The following LAMA2 variants were observed in gnomAD, a reference collection of about 807,000 sequenced individuals.
LAMA2 encodes the protein laminin subunit alpha-2.
In LAMA2, 269 loss-of-function variants were observed where a neutral mutation model predicts 364.8. The observed-to-expected ratio is 0.74, with a 90% CI of 0.67 to 0.82. LAMA2 has a LOEUF of 0.82. LAMA2 is among the 40% of genes least tolerant of loss of function. The pLI, the probability that LAMA2 is intolerant of heterozygous loss-of-function variation, is 0.00. For synonymous variants in LAMA2, 1,379 were observed against 1,370.6 expected, an observed-to-expected ratio of 1.01 and a Z score of -0.14; for missense variants, 3,807 against 3,873.2, an observed-to-expected ratio of 0.98 and a Z score of 0.45.
At chr6:129,507,444 T>G (rs746376496) in intron 61 of LAMA2, 45 bp from the exon 62 acceptor site, 10 of 1,606,898 alleles carry the variant, frequency 6.2e-6, no homozygotes, top group Non-Finnish European at 7.7e-6. Flanking sequence ...AAAGGCAAAG[T>G]TCTGCTAAAA....
intron 3 of LAMA2, among the ~76,000 whole-genome samples, chr6:129,062,876 G>C (rs1016699619): frequency 7.0e-6 from 1 of 143,068 alleles, no homozygotes; most frequent in Non-Finnish European, 1.5e-5. Context: ...AGAAACGATT[G>C]CATTTATTTG....
At chr6:128,935,328 T>C (rs1779753313) in intron 1 of LAMA2, among the ~76,000 whole-genome samples, 1 of 151,852 alleles carries the variant, frequency 6.6e-6, no homozygotes, top group Non-Finnish European at 1.5e-5. Flanking sequence ...TGGTTTTCTG[T>C]CCTTGTGATA....
chr6:129,349,337 C>T lies in LAMA2; in HGVS notation c.4476C>T (p.Tyr1492=). The stretch of plus-strand genomic sequence containing the variant: ...GTGTCGCAGAAGGACTTGACGACTA[C>T]CGCTGCACGGCTTGTCCACGGGGAT... ...PSCVAEGLDD[Y]RCTACPRGYE... Residue 1492 remains tyrosine (Y), a synonymous_variant, in exon 31 of 65, where the codon TAC becomes TAT. Coordinates refer to ENST00000421865, the MANE Select transcript of LAMA2 (RefSeq NM_000426.4). The T allele has an allele frequency of 6.2e-7, 1 of 1,613,594 alleles. No individual in the cohort carries two copies. Among genetic ancestry groups the T allele is most frequent in the Non-Finnish European group, 8.5e-7 (1 of 1,179,658 alleles).
intron 39 of LAMA2, among the ~76,000 whole-genome samples, chr6:129,403,354 T>TCC (rs1418113066): frequency 6.6e-6 from 1 of 152,190 alleles, no homozygotes; most frequent in African/African-American, 2.4e-5. Flanking sequence ...AGGCTCTAAG[T>TCC]CCTTACTTGG....
At position 129,064,634 on chromosome 6, in the gene LAMA2, TAC is replaced by T. The variant is rs1789171868; in HGVS notation, c.396+4739_396+4740del. The stretch of plus-strand genomic sequence containing the variant: ...AGAAATACAAAGGATCATAAGTGAC[TAC>T]TCTCAACAATTATATGCCAACAAAC... On this transcript the variant is annotated intron_variant, in intron 3 of 64. Coordinates refer to ENST00000421865, the MANE Select transcript of LAMA2 (RefSeq NM_000426.4). 2.0e-5 allele frequency among the ~76,000 whole-genome samples: 3 copies of T among 152,228 alleles called. No individual in the cohort carries two copies. The South Asian group carries it at 6.2e-4, about 32-fold the overall frequency.
At chr6:129,382,605 G>A (rs1241555036) in intron 34 of LAMA2, among the ~76,000 whole-genome samples, 2 of 152,138 alleles carry the variant, frequency 1.3e-5, no homozygotes, top group Non-Finnish European at 2.9e-5. Context: ...TATAAAACAG[G>A]CATTTACTAC....
At chr6:129,093,372 G>T (rs1037118587) in intron 3 of LAMA2, among the ~76,000 whole-genome samples, 1 of 151,870 alleles carries the variant, frequency 6.6e-6, no homozygotes, top group African/African-American at 2.4e-5. Flanking sequence ...AACTAACATG[G>T]GTATAGGTGA....
At chr6:128,967,607 C>T (rs1390495117) in intron 1 of LAMA2, among the ~76,000 whole-genome samples, 1 of 152,026 alleles carries the variant, frequency 6.6e-6, no homozygotes, top group Non-Finnish European at 1.5e-5. Context: ...AAAAGTTAAC[C>T]CTGCTCAAAA....
At chr6:128,920,051 A>G (rs1236518501) in intron 1 of LAMA2, among the ~76,000 whole-genome samples, 1 of 152,188 alleles carries the variant, frequency 6.6e-6, no homozygotes, top group African/African-American at 2.4e-5. Flanking sequence ...TTTATGGAAT[A>G]TATCACTGTC....
At chr6:129,497,067 G>T (rs1785245711) in intron 58 of LAMA2, among the ~76,000 whole-genome samples, 1 of 152,028 alleles carries the variant, frequency 6.6e-6, no homozygotes, top group Non-Finnish European at 1.5e-5. Context: ...CACATTTTTA[G>T]GGTGGGTGGC....
chr6:129,126,195 T>C (rs7744609), intron 4 of LAMA2, among the ~76,000 whole-genome samples: 35,230 of 152,154 alleles, frequency 0.23, 4,380 homozygotes, highest in African/African-American at 0.33. Context: ...TTTGTTTCTT[T>C]TTTTGAGAAC....
intron 2 of LAMA2, among the ~76,000 whole-genome samples, chr6:129,054,214 A>G (rs1788302406): frequency 6.6e-6 from 1 of 152,210 alleles, no homozygotes; most frequent in Non-Finnish European, 1.5e-5. Flanking sequence ...GGAGGGGATC[A>G]CTGAGCCGTA....
intron 4 of LAMA2, among the ~76,000 whole-genome samples, chr6:129,136,510 G>A (rs74708948): frequency 0.028 from 4,187 of 151,502 alleles, 187 homozygotes; most frequent in African/African-American, 0.096. Context: ...ACATGAGAGA[G>A]AGACAGAGAG....
Position 129,335,341 on chromosome 6 carries a change from A to G in LAMA2, c.4311+6929A>G, listed in dbSNP as rs547339211. Among the ~76,000 whole-genome samples the G allele has an allele frequency of 3.4e-5, 5 of 148,504 alleles. No homozygotes were observed. The East Asian group carries it at 1.0e-3, about 30-fold the overall frequency. On this transcript the variant is annotated intron_variant, in intron 29 of 64. Transcript: ENST00000421865. ...AACTAACAGTAACTAGTACACACACATAGGTAGTAAGTAGGTAGATAGATA... is the reference window on the plus strand; with the variant it reads ...AACTAACAGTAACTAGTACACACACGTAGGTAGTAAGTAGGTAGATAGATA...
chr6:129,493,141 C>T (rs374987834), intron 58 of LAMA2, among the ~76,000 whole-genome samples: 7 of 151,920 alleles, frequency 4.6e-5, no homozygotes, highest in East Asian at 1.9e-4. Context: ...GGCAACAGAG[C>T]GAGACTCCAT....
At chr6:128,888,360 G>A (rs1776267185) in intron 1 of LAMA2, among the ~76,000 whole-genome samples, 1 of 152,180 alleles carries the variant, frequency 6.6e-6, no homozygotes, top group African/African-American at 2.4e-5. Context: ...TCCTGCTCTT[G>A]TGGAACTAAT....
Position 129,454,146 on chromosome 6 carries a change from C to T in LAMA2, c.6574-9C>T, listed in dbSNP as rs374177282. 1.4e-5 allele frequency: 22 copies of T among 1,610,938 alleles called. No homozygotes were observed. The highest frequency in any genetic ancestry group is 1.9e-5 in the Non-Finnish European group (22 of 1,177,606). On this transcript the variant is annotated splice_polypyrimidine_tract_variant and intron_variant, in intron 46 of 64. Coordinates refer to ENST00000421865, the MANE Select transcript of LAMA2 (RefSeq NM_000426.4). ...TGATATCTCTTGTTTTTGTATTTCTCTGAACTAGATTGACTTTCTGGCTAT... is the reference window on the plus strand; with the variant it reads ...TGATATCTCTTGTTTTTGTATTTCTTTGAACTAGATTGACTTTCTGGCTAT...
At chr6:129,460,444 C>G (rs1248313491) in intron 49 of LAMA2, 120 bp downstream of exon 49, 1 of 1,049,086 alleles carries the variant, frequency 9.5e-7, no homozygotes, top group African/African-American at 1.6e-5. Flanking sequence ...GGATTATACT[C>G]AGAGGTGGAA....
At chr6:129,067,725 C>G (rs568196800) in intron 3 of LAMA2, among the ~76,000 whole-genome samples, 11 of 152,298 alleles carry the variant, frequency 7.2e-5, no homozygotes, top group African/African-American at 2.4e-4. Context: ...CTCAGTTGCC[C>G]AGCTGGTCAT....
Sources: allele counts gnomAD v4.1 joint callset (sites outside exome capture counted in the v4.1 genomes callset), GRCh38; gene constraint gnomAD v4.1.1; transcripts MANE v1.5; gene names NCBI Gene and HGNC (gene_info 2026-07-23, HGNC 2026-07-21).